OSBPL10: variants seen among roughly 807,000 people sequenced by gnomAD.
OSBPL10 encodes oxysterol binding protein like 10, also known as oxysterol-binding protein-related protein 10.
Under a neutral mutation model 81.7 loss-of-function variants are expected in OSBPL10, and 49 were observed. That is an observed-to-expected ratio of 0.60 (90% CI 0.48 to 0.76). The LOEUF (loss-of-function observed/expected upper bound fraction) is 0.76, where lower values mean the gene tolerates loss of function less well. OSBPL10 is among the 30% of genes least tolerant of loss of function. The pLI is 0.00. For synonymous variants in OSBPL10, 419 were observed against 383.6 expected, an observed-to-expected ratio of 1.09 and a Z score of -1.08; for missense variants, 923 against 987.8, an observed-to-expected ratio of 0.93 and a Z score of 0.88.
chr3:32,077,142 G>A (rs966124421), intron 1 of OSBPL10, among the ~76,000 whole-genome samples: 1 of 152,158 alleles, frequency 6.6e-6, no homozygotes, highest in Non-Finnish European at 1.5e-5. Context: ...TATAAACTAA[G>A]TTCTTCCCAA....
chr3:31,728,870 G>C (rs1262434014), intron 6 of OSBPL10, among the ~76,000 whole-genome samples: 5 of 152,098 alleles, frequency 3.3e-5, no homozygotes, highest in Admixed American at 1.3e-4. Context: ...TTTGGAAGTT[G>C]GAAGTTTTGC....
At chr3:31,949,958 G>C (rs955727407) in intron 1 of OSBPL10, among the ~76,000 whole-genome samples, 1 of 152,094 alleles carries the variant, frequency 6.6e-6, no homozygotes, top group Admixed American at 6.6e-5. Context: ...GCAGTGGGTT[G>C]AAGTAGCAAT....
intron 5 of OSBPL10, among the ~76,000 whole-genome samples, chr3:31,740,114 G>C (rs2125680815): frequency 6.7e-6 from 1 of 150,200 alleles, no homozygotes; most frequent in East Asian, 2.0e-4. Context: ...CACGATTGCA[G>C]CTCACTGTAA....
intron 5 of OSBPL10, among the ~76,000 whole-genome samples, chr3:31,740,020 G>C (rs375311058): frequency 6.6e-6 from 1 of 151,310 alleles, no homozygotes; most frequent in East Asian, 1.9e-4. Flanking sequence ...CCTGGTCCCA[G>C]CTCCAGAATT....
chr3:31,760,670 G>T (rs1311027888), intron 4 of OSBPL10, among the ~76,000 whole-genome samples: 2 of 152,226 alleles, frequency 1.3e-5, no homozygotes, highest in Non-Finnish European at 2.9e-5. Flanking sequence ...ACGGAGGGCT[G>T]ACTGTATGCC....
intron 9 of OSBPL10, among the ~76,000 whole-genome samples, chr3:31,670,485 A>G (rs1700295883): frequency 6.6e-6 from 1 of 152,178 alleles, no homozygotes; most frequent in South Asian, 2.1e-4. Context: ...CATAGATTCA[A>G]TCACTTTAGA....
intron 3 of OSBPL10, among the ~76,000 whole-genome samples, chr3:31,847,866 G>T (rs961155969): frequency 6.6e-6 from 1 of 152,092 alleles, no homozygotes; most frequent in East Asian, 1.9e-4. Flanking sequence ...TGGAAGCAGG[G>T]CCCAGAAGCT....
intron 4 of OSBPL10, among the ~76,000 whole-genome samples, chr3:31,803,351 C>G (rs938208482): frequency 2.0e-5 from 3 of 152,150 alleles, no homozygotes; most frequent in Non-Finnish European, 2.9e-5. Context: ...TCTATAGCAC[C>G]GTGACAGAAC....
intron 4 of OSBPL10, among the ~76,000 whole-genome samples, chr3:31,765,158 C>T (rs1198167757): frequency 6.6e-6 from 1 of 152,110 alleles, no homozygotes; most frequent in African/African-American, 2.4e-5. Context: ...GCTGGGATTA[C>T]AGGCATGTGC....
At chr3:31,804,819 C>T (rs751777125) in intron 4 of OSBPL10, among the ~76,000 whole-genome samples, 2 of 152,182 alleles carry the variant, frequency 1.3e-5, no homozygotes, top group Non-Finnish European at 2.9e-5. Flanking sequence ...TTTAATAAGA[C>T]TTCATTCACT....
intron 7 of OSBPL10, among the ~76,000 whole-genome samples, chr3:31,692,307 T>C (rs1408552189): frequency 6.6e-6 from 1 of 152,314 alleles, no homozygotes; most frequent in African/African-American, 2.4e-5. Flanking sequence ...CTAGGCTGAT[T>C]GTGAGTATTA....
intron 3 of OSBPL10, among the ~76,000 whole-genome samples, chr3:31,873,973 C>T (rs1169837730): frequency 2.6e-5 from 4 of 152,152 alleles, no homozygotes; most frequent in Non-Finnish European, 1.5e-5. Context: ...CTCCATTTCT[C>T]AAATAAGAAA....
intron 1 of OSBPL10, among the ~76,000 whole-genome samples, chr3:31,895,468 C>T (rs1023680292): frequency 6.6e-6 from 1 of 151,986 alleles, no homozygotes; most frequent in Non-Finnish European, 1.5e-5. Flanking sequence ...CAATCCCCCA[C>T]ATACACTTGG....
In OSBPL10 at chr3:31,662,036, C is replaced by A; in HGVS notation, c.*36G>T. On this transcript the variant is annotated 3_prime_UTR_variant, in exon 12 of 12. Coordinates refer to ENST00000396556, the MANE Select transcript of OSBPL10 (RefSeq NM_017784.5). ...TACTACTTTAATATTCCTACAAAAA[C>A]AGGGCTATACTGGAAAGCTCTGCAC... 6.2e-7 allele frequency: 1 copy of A among 1,607,720 alleles called. No individual in the cohort carries two copies. The highest frequency in any genetic ancestry group is 1.7e-5 in the Admixed American group (1 of 58,736).
chr3:31,880,138 A>G (rs1695519354), intron 1 of OSBPL10, among the ~76,000 whole-genome samples: 1 of 152,230 alleles, frequency 6.6e-6, no homozygotes, highest in African/African-American at 2.4e-5. Context: ...AATGACAGAG[A>G]CTGGCAGAAG....
intron 1 of OSBPL10, among the ~76,000 whole-genome samples, chr3:31,972,705 G>A (rs140344213): frequency 6.6e-4 from 101 of 152,266 alleles, no homozygotes; most frequent in African/African-American, 2.1e-3. Flanking sequence ...AAGGCTGGCC[G>A]TGCAGATAAA....
At chr3:31,669,888 T>C (rs1400751317) in intron 9 of OSBPL10, among the ~76,000 whole-genome samples, 1 of 152,200 alleles carries the variant, frequency 6.6e-6, no homozygotes, top group Non-Finnish European at 1.5e-5. Flanking sequence ...TAGGTAGCAA[T>C]GCAGAGGCTC....
intron 2 of OSBPL10, among the ~76,000 whole-genome samples, chr3:32,004,972 G>A (rs1196663998): frequency 6.6e-6 from 1 of 152,124 alleles, no homozygotes; most frequent in Non-Finnish European, 1.5e-5. Context: ...GACTTAATAA[G>A]TATCCTTGGA....
At chr3:31,878,035 G>C (rs1353936295) in intron 2 of OSBPL10, among the ~76,000 whole-genome samples, 3 of 152,146 alleles carry the variant, frequency 2.0e-5, no homozygotes, top group Admixed American at 1.3e-4. Flanking sequence ...GACGGGCTAA[G>C]GACAAGCCAT....
Sources: allele counts gnomAD v4.1 joint callset (sites outside exome capture counted in the v4.1 genomes callset), GRCh38; gene constraint gnomAD v4.1.1; transcripts MANE v1.5; gene names NCBI Gene and HGNC (gene_info 2026-07-23, HGNC 2026-07-21).